Variants in ENTPD5 observed in about 807,000 individuals in gnomAD.
The protein encoded by ENTPD5 is ectonucleoside triphosphate diphosphohydrolase 5 (inactive).
A neutral mutation model predicts 60.2 loss-of-function variants in ENTPD5; 49 were observed. That is an observed-to-expected ratio of 0.81 (90% CI 0.65 to 1.03). The LOEUF (loss-of-function observed/expected upper bound fraction) is 1.03, where lower values mean the gene tolerates loss of function less well. Ranked by LOEUF, ENTPD5 falls within the 50% of genes least tolerant of loss-of-function variation. The pLI, the probability that ENTPD5 is intolerant of heterozygous loss-of-function variation, is 0.00. For missense variants in ENTPD5, 480 were observed against 507.6 expected (o/e 0.95, Z 0.52); for synonymous variants, 187 against 185.4 (o/e 1.01, Z -0.07).
chr14:73,991,625 A>AAAAAAAG (rs56259684), intron 3 of ENTPD5, among the ~76,000 whole-genome samples: 75 of 128,046 alleles, frequency 5.9e-4, no homozygotes, highest in African/African-American at 1.9e-3. Context: ...AAAAAAAAAA[A>AAAAAAAG]ACAATTAGGG....
intron 3 of ENTPD5, among the ~76,000 whole-genome samples, chr14:73,994,590 A>G (rs750747208): frequency 4.0e-5 from 6 of 151,850 alleles, no homozygotes; most frequent in Non-Finnish European, 8.8e-5. Flanking sequence ...AAAATTAGCC[A>G]GGCGTGGTGG....
At chr14:73,976,627 A>G (rs2057457686) in intron 8 of ENTPD5, among the ~76,000 whole-genome samples, 1 of 148,530 alleles carries the variant, frequency 6.7e-6, no homozygotes, top group African/African-American at 2.5e-5. Context: ...CTTTTTGGAG[A>G]CAGAGTCTTG....
chr14:74,002,464 A>T (rs944397630), intron 3 of ENTPD5, among the ~76,000 whole-genome samples: 1 of 151,640 alleles, frequency 6.6e-6, no homozygotes, highest in Non-Finnish European at 1.5e-5. Context: ...ATGGAGTCTC[A>T]CTATGTTACC....
chr14:73,963,955 AAG>A lies in ENTPD5; in HGVS notation c.*2971_*2972del, dbSNP rs1357509238. The A allele has an allele frequency of 2.0e-5, 3 of 152,174 alleles. No individual in the cohort carries two copies. Among genetic ancestry groups the A allele is most frequent in the Non-Finnish European group, 2.9e-5 (2 of 68,034 alleles). The allele number at this position is 152,174 out of a possible 1,614,324, so 9.4% of individuals were successfully genotyped here. A position where few individuals can be genotyped will look rare whatever the true frequency, so the allele number is the denominator to read the frequency against. ...TTTCAGGCAAATGCAGAAAATTTAA[AAG>A]AGTCTAGAACAAAAAAGTGACAATG... On this transcript the variant is annotated 3_prime_UTR_variant, in exon 16 of 16. Coordinates refer to ENST00000334696, the MANE Select transcript of ENTPD5 (RefSeq NM_001249.5).
intron 3 of ENTPD5, among the ~76,000 whole-genome samples, chr14:74,000,033 AG>A (rs1302978154): frequency 6.7e-5 from 10 of 149,912 alleles, no homozygotes; most frequent in African/African-American, 2.5e-4. Context: ...GGTTGCAGTT[AG>A]CCGAGGTCGC....
At chr14:74,006,714 T>C (rs1360789379) in intron 3 of ENTPD5, among the ~76,000 whole-genome samples, 1 of 151,642 alleles carries the variant, frequency 6.6e-6, no homozygotes, top group Non-Finnish European at 1.5e-5. Context: ...GCCTCCTGAC[T>C]AGCTAGACTA....
chr14:73,981,107 T>A (rs937082412), intron 6 of ENTPD5, among the ~76,000 whole-genome samples: 32 of 151,022 alleles, frequency 2.1e-4, no homozygotes, highest in African/African-American at 4.8e-4. Flanking sequence ...TCTCAAAAAA[T>A]AAATAAATAA....
At position 73,974,923 on chromosome 14, in the gene ENTPD5, C is replaced by T. The variant is rs2057376825; in HGVS notation, c.784+1G>A. ...CCCCCAGCACAGGTACCCAGACAAACCTTCTGTCTCCAGGGCTCCCAGGGT... is the reference window on the plus strand; with the variant it reads ...CCCCCAGCACAGGTACCCAGACAAATCTTCTGTCTCCAGGGCTCCCAGGGT... On this transcript the variant is annotated splice_donor_variant, in intron 11 of 15. Coordinates refer to ENST00000334696, the MANE Select transcript of ENTPD5 (RefSeq NM_001249.5). LOFTEE classifies it high-confidence loss of function. 1 of 1,612,588 alleles carries T rather than the reference C, an allele frequency of 6.2e-7. No individual in the cohort carries two copies. The highest frequency in any genetic ancestry group is 1.3e-5 in the African/African-American group (1 of 74,992).
At chr14:73,978,557 C>T (rs1252987701) in intron 6 of ENTPD5, among the ~76,000 whole-genome samples, 5 of 151,664 alleles carry the variant, frequency 3.3e-5, no homozygotes, top group African/African-American at 4.8e-5. Context: ...GCCGAGATCG[C>T]GCCATTGCAC....
chr14:74,000,242 A>G (rs987140344), intron 3 of ENTPD5, among the ~76,000 whole-genome samples: 1 of 151,322 alleles, frequency 6.6e-6, no homozygotes, highest in African/African-American at 2.4e-5. Context: ...AGATTGCTTG[A>G]GCTCAGGAGT....
rs749308054 is a variant in ENTPD5 at position 73,975,989 on chromosome 14, G to T, written c.669C>A (p.Gly223=). ...FEKTLEQTPR[G]YLTSFEMFNS... is the part of the protein sequence containing the mutation. ...TAAACATCTCAAAGGAAGTGAGGTAGCCCCTAGGAGTTTGTTCCAGAGTTT... is the reference window on the plus strand; with the variant it reads ...TAAACATCTCAAAGGAAGTGAGGTATCCCCTAGGAGTTTGTTCCAGAGTTT... The change falls in exon 10 of 16, where the codon GGC becomes GGA. Residue 223 remains glycine, a synonymous_variant. Coordinates refer to ENST00000334696, the MANE Select transcript of ENTPD5 (RefSeq NM_001249.5). 6.2e-7 allele frequency: 1 copy of T among 1,613,542 alleles called. No individual in the cohort carries two copies. Among genetic ancestry groups the T allele is most frequent in the Non-Finnish European group, 8.5e-7 (1 of 1,179,832 alleles).
At chr14:73,971,523 T>C (rs374020662) in intron 14 of ENTPD5, among the ~76,000 whole-genome samples, 2 of 152,188 alleles carry the variant, frequency 1.3e-5, no homozygotes, top group South Asian at 4.1e-4. Flanking sequence ...TGAAAAAAAA[T>C]TTATTTTTTT....
intron 15 of ENTPD5, among the ~76,000 whole-genome samples, chr14:73,969,087 C>T (rs192742680): frequency 6.6e-6 from 1 of 152,170 alleles, no homozygotes; most frequent in African/African-American, 2.4e-5. Flanking sequence ...CAAAGAAAAC[C>T]CATCTTATAG....
chr14:73,990,669 G>GT (rs1016332843), intron 3 of ENTPD5, among the ~76,000 whole-genome samples: 4 of 151,738 alleles, frequency 2.6e-5, no homozygotes, highest in East Asian at 3.9e-4. Context: ...AATGTATAGG[G>GT]TTTTTTTCCA....
chr14:73,955,901 C>T, downstream of ENTPD5: 1 of 1,614,116 alleles, frequency 6.2e-7, no homozygotes, highest in Non-Finnish European at 8.5e-7. Flanking sequence ...CATGCATGCT[C>T]TCACTAAGCA....
chr14:73,987,753 T>C lies in ENTPD5; in HGVS notation c.217+133A>G, dbSNP rs145406102. ...CCACATGTTCAATTGTAGTCCAAAG[T>C]TCTCTGAAGAAAGACATCCACTAGG... On this transcript the variant is annotated intron_variant, in intron 4 of 15. Coordinates refer to ENST00000334696, the MANE Select transcript of ENTPD5 (RefSeq NM_001249.5). 3.9e-4 allele frequency: 268 copies of C among 687,118 alleles called. No individual in the cohort carries two copies. The African/African-American group carries it at 4.7e-3, about 12-fold the overall frequency. The allele number at this position is 687,118 out of a possible 1,614,324, so 42.6% of individuals were successfully genotyped here. A position where few individuals can be genotyped will look rare whatever the true frequency, so the allele number is the denominator to read the frequency against.
intron 3 of ENTPD5, among the ~76,000 whole-genome samples, chr14:74,010,497 T>G (rs62005077): frequency 0.11 from 16,294 of 151,528 alleles, 932 homozygotes; most frequent in South Asian, 0.17. Context: ...GAGGTTGCAG[T>G]AAGCCGTGAT....
At chr14:74,002,360 C>T (rs916977144) in intron 3 of ENTPD5, among the ~76,000 whole-genome samples, 2 of 151,938 alleles carry the variant, frequency 1.3e-5, no homozygotes, top group Admixed American at 1.3e-4. Flanking sequence ...TGAGATGAGG[C>T]TGGAAAGTGA....
Position 73,976,404 on chromosome 14 carries a change from G to T in ENTPD5, c.562C>A (p.His188Asn). The T allele has an allele frequency of 6.2e-7, 1 of 1,614,050 alleles. No individual in the cohort carries two copies. Among genetic ancestry groups the T allele is most frequent in the East Asian group, 2.2e-5 (1 of 44,886 alleles). ...VTVNFLTGQL[H>N]GHRQETVGTL... Reference sequence around the variant, plus strand: ...CCCACAGTCTCCTGTCTGTGGCCATGCAGCTGACCTGTCAAATGAGAGCCA... The same window carrying T: ...CCCACAGTCTCCTGTCTGTGGCCATTCAGCTGACCTGTCAAATGAGAGCCA... The change falls in exon 9 of 16, where the codon CAT becomes AAT. Residue 188 changes from histidine to asparagine, a missense_variant. By Grantham distance (68) the His-to-Asn change is moderately conservative. Coordinates refer to ENST00000334696, the MANE Select transcript of ENTPD5 (RefSeq NM_001249.5).
Sources: gnomAD v4.1 joint callset for allele counts (sites outside exome capture counted in the v4.1 genomes callset) on GRCh38, gnomAD v4.1.1 for gene constraint, MANE v1.5 for transcripts, NCBI Gene and HGNC (gene_info 2026-07-23, HGNC 2026-07-21) for gene names.